EYS: variants seen among roughly 807,000 people sequenced by gnomAD.
The protein encoded by EYS is protein eyes shut homolog.
A neutral mutation model predicts 282.1 loss-of-function variants in EYS; 250 were observed. That is an observed-to-expected ratio of 0.89 (90% confidence interval 0.80 to 0.98). EYS has a LOEUF of 0.98. Ranked by LOEUF, EYS falls within the 50% of genes least tolerant of loss-of-function variation. The pLI is 0.00. For synonymous variants in EYS, 1,355 were observed against 1,282.9 expected, an observed-to-expected ratio of 1.06 and a Z score of -1.20; for missense variants, 4,016 against 3,709.0, an observed-to-expected ratio of 1.08 and a Z score of -2.15.
intron 35 of EYS, among the ~76,000 whole-genome samples, chr6:63,904,797 G>T (rs974636056): frequency 1.4e-4 from 22 of 152,164 alleles, no homozygotes; most frequent in Non-Finnish European, 2.4e-4. Flanking sequence ...TCTCCAAATT[G>T]CAAAGCTTCA....
At chr6:64,102,173 G>A (rs1772852021) in intron 31 of EYS, among the ~76,000 whole-genome samples, 1 of 152,130 alleles carries the variant, frequency 6.6e-6, no homozygotes, top group Non-Finnish European at 1.5e-5. Context: ...AGAATTGAAT[G>A]TGTAGCATAA....
At chr6:64,634,494 C>A (rs571246987) in intron 22 of EYS, among the ~76,000 whole-genome samples, 2 of 148,602 alleles carry the variant, frequency 1.3e-5, no homozygotes, top group South Asian at 2.1e-4. Context: ...AACTTCTGGG[C>A]TGATTTATGA....
chr6:65,615,330 G>A (rs1766147042), intron 2 of EYS, among the ~76,000 whole-genome samples: 2 of 151,026 alleles, frequency 1.3e-5, no homozygotes, highest in African/African-American at 4.9e-5. Flanking sequence ...AATACTCTGA[G>A]GAAAATAATT....
intron 1 of EYS, among the ~76,000 whole-genome samples, chr6:65,656,965 C>T (rs1767851956): frequency 6.6e-6 from 1 of 151,930 alleles, no homozygotes; most frequent in African/African-American, 2.4e-5. Flanking sequence ...AACTGAATCT[C>T]ATTTACTATT....
intron 5 of EYS, among the ~76,000 whole-genome samples, chr6:65,425,061 C>G (rs1464703598): frequency 6.6e-6 from 1 of 151,920 alleles, no homozygotes; most frequent in Non-Finnish European, 1.5e-5. Flanking sequence ...CCAAAGCGCT[C>G]CTTTGACCAA....
chr6:64,806,776 A>G (rs1764441026), intron 22 of EYS, among the ~76,000 whole-genome samples: 4 of 151,982 alleles, frequency 2.6e-5, no homozygotes, highest in Admixed American at 2.6e-4. Context: ...AGTTGTGGGG[A>G]TGGATGAGGA....
At chr6:64,764,682 C>T (rs1419906273) in intron 22 of EYS, among the ~76,000 whole-genome samples, 1 of 152,230 alleles carries the variant, frequency 6.6e-6, no homozygotes, top group Non-Finnish European at 1.5e-5. Flanking sequence ...TTCTTTTCTA[C>T]TCCATTGTCA....
intron 12 of EYS, among the ~76,000 whole-genome samples, chr6:65,165,181 T>C (rs1000544613): frequency 1.3e-5 from 2 of 151,330 alleles, no homozygotes; most frequent in Non-Finnish European, 3.0e-5. Context: ...ATAACTCCAT[T>C]AAGCTAACTC....
intron 29 of EYS, chr6:64,377,667 T>C (rs1162153721): frequency 1.3e-5 from 2 of 152,146 alleles, no homozygotes; most frequent in Non-Finnish European, 2.9e-5. Context: ...AGGACAATAA[T>C]TTTATAAAGG....
At chr6:64,104,471 A>G (rs796691179) in intron 31 of EYS, among the ~76,000 whole-genome samples, 4 of 152,204 alleles carry the variant, frequency 2.6e-5, no homozygotes, top group South Asian at 2.1e-4. Context: ...AAGGAAATAA[A>G]TTATTCTCAT....
At chr6:65,031,649 G>A (rs1772608985) in intron 13 of EYS, among the ~76,000 whole-genome samples, 1 of 151,992 alleles carries the variant, frequency 6.6e-6, no homozygotes, top group South Asian at 2.1e-4. Context: ...AACAATGAAA[G>A]TAAGGCAAAA....
At chr6:64,433,339 TG>T (rs1774633081) in intron 28 of EYS, among the ~76,000 whole-genome samples, 1 of 152,036 alleles carries the variant, frequency 6.6e-6, no homozygotes, top group African/African-American at 2.4e-5. Context: ...AATATGTAAA[TG>T]GTCAAAAAAT....
At chr6:65,440,845 GTATA>G (rs137877406) in intron 5 of EYS, among the ~76,000 whole-genome samples, 2 of 142,046 alleles carry the variant, frequency 1.4e-5, no homozygotes, top group Admixed American at 7.2e-5. Flanking sequence ...AAAAATATGT[GTATA>G]TATATATATA....
intron 26 of EYS, among the ~76,000 whole-genome samples, chr6:64,532,933 A>G (rs1204294890): frequency 2.6e-5 from 4 of 152,132 alleles, no homozygotes; most frequent in African/African-American, 9.6e-5. Flanking sequence ...AGGGATTCTT[A>G]AATAACTGTG....
intron 35 of EYS, among the ~76,000 whole-genome samples, chr6:63,953,573 C>T (rs1765688699): frequency 6.6e-6 from 1 of 152,192 alleles, no homozygotes; most frequent in Non-Finnish European, 1.5e-5. Flanking sequence ...AACTCCTTTC[C>T]TTCCTGGACA....
chr6:64,586,535 A>C (rs1036511799), intron 26 of EYS, among the ~76,000 whole-genome samples: 1 of 152,080 alleles, frequency 6.6e-6, no homozygotes, highest in African/African-American at 2.4e-5. Context: ...ATGATTAGGA[A>C]ATATTAATAG....
intron 16 of EYS, 149 bp downstream of exon 16, chr6:64,912,335 A>T (rs1051379207): frequency 3.3e-5 from 20 of 608,076 alleles, no homozygotes; most frequent in East Asian, 3.1e-4. Flanking sequence ...CATTTTTATA[A>T]CTGGATTTGA....
chr6:64,635,437 C>G, intron 22 of EYS, among the ~76,000 whole-genome samples: 1 of 152,154 alleles, frequency 6.6e-6, no homozygotes, highest in Admixed American at 6.5e-5. Context: ...TTTGCCCATT[C>G]AGTATGATAC....
At chr6:64,122,358 G>A (rs1354405521) in intron 31 of EYS, among the ~76,000 whole-genome samples, 2 of 152,094 alleles carry the variant, frequency 1.3e-5, no homozygotes, top group Non-Finnish European at 2.9e-5. Context: ...TGAATTAGTA[G>A]AGTAACTCAT....
Sources: allele counts gnomAD v4.1 joint callset (sites outside exome capture counted in the v4.1 genomes callset), GRCh38; gene constraint gnomAD v4.1.1; transcripts MANE v1.5; gene names NCBI Gene and HGNC (gene_info 2026-07-23, HGNC 2026-07-21).